The following ATP8A2 variants were observed in gnomAD, a reference collection of about 807,000 sequenced individuals.
ATP8A2 encodes the protein phospholipid-transporting ATPase IB.
Under a neutral mutation model 165.6 loss-of-function variants are expected in ATP8A2, and 100 were observed. The observed-to-expected ratio is 0.60, with a 90% confidence interval of 0.51 to 0.71. The LOEUF is 0.71. Ranked by LOEUF, ATP8A2 falls within the 30% of genes least tolerant of loss-of-function variation. The pLI, the probability that ATP8A2 is intolerant of heterozygous loss-of-function variation, is 0.00. For synonymous variants in ATP8A2, 543 were observed against 548.8 expected, an observed-to-expected ratio of 0.99 and a Z score of 0.15; for missense variants, 1,227 against 1,479.5, an observed-to-expected ratio of 0.83 and a Z score of 2.80.
rs539067684 is a variant in ATP8A2, at chr13:25,915,187, A to G, written c.3184-46388A>G. 4.6e-5 allele frequency among the ~76,000 whole-genome samples: 7 copies of G among 152,354 alleles called. No individual in the cohort carries two copies. In the Middle Eastern group the frequency reaches 0.014, roughly 296 times the overall value. ...TTCTGTGAAATTCTTCTTTATAGAA[A>G]TCATAGAATTTGTGTAATTATGTAC... On this transcript the variant is annotated intron_variant, in intron 33 of 36. Coordinates refer to ENST00000381655, the MANE Select transcript of ATP8A2 (RefSeq NM_016529.6).
Position 25,465,755 on chromosome 13 carries a change from C to CTCTCTCTCTCTCTG in ATP8A2, c.77-3215_77-3214insCTCTCTGTCTCTCT, listed in dbSNP as rs746455176. Among the ~76,000 whole-genome samples, 2 of 11,834 alleles carry CTCTCTCTCTCTCTG rather than the reference C, an allele frequency of 1.7e-4. 1 individual carries two copies. The highest frequency in any genetic ancestry group is 4.9e-4 in the Non-Finnish European group (2 of 4,090). 7.8% of individuals were successfully genotyped at this position (11,834 alleles called of 152,430 possible). On this transcript the variant is annotated intron_variant, in intron 1 of 36. Coordinates refer to ENST00000381655, the MANE Select transcript of ATP8A2 (RefSeq NM_016529.6). ...TCTTTCTTTCCCTCCCTCCCTCTCTCTCTCTCTTTCTCTCTTTCTCTCTTT... is the reference window on the plus strand; with the variant it reads ...TCTTTCTTTCCCTCCCTCCCTCTCTCTCTCTCTCTCTCTGTCTCTCTTTCTCTCTTTCTCTCTTT...
At chr13:25,705,150 T>C in intron 25 of ATP8A2, 4 of 430,736 alleles carry the variant, frequency 9.3e-6, no homozygotes, top group Non-Finnish European at 1.4e-5. Context: ...TCATTTTCCC[T>C]TTTTCTTTGA....
intron 35 of ATP8A2, among the ~76,000 whole-genome samples, chr13:25,988,577 G>A (rs1236282782): frequency 6.6e-6 from 1 of 152,136 alleles, no homozygotes; most frequent in Non-Finnish European, 1.5e-5. Flanking sequence ...AGTGGGAGAA[G>A]GATCACAGGA....
At chr13:25,835,552 T>C (rs996606327) in intron 28 of ATP8A2, among the ~76,000 whole-genome samples, 4 of 151,952 alleles carry the variant, frequency 2.6e-5, no homozygotes, top group African/African-American at 7.3e-5. Flanking sequence ...TTGCTGGGTT[T>C]GTGGGTGGGG....
At chr13:25,696,829 G>T (rs777370692) in intron 24 of ATP8A2, among the ~76,000 whole-genome samples, 31 of 152,170 alleles carry the variant, frequency 2.0e-4, no homozygotes, top group Admixed American at 6.5e-5. Flanking sequence ...CTTTTCCTAT[G>T]CATTCACGAC....
At chr13:25,910,805 A>G (rs1017911642) in intron 33 of ATP8A2, among the ~76,000 whole-genome samples, 14 of 152,130 alleles carry the variant, frequency 9.2e-5, no homozygotes, top group African/African-American at 3.1e-4. Flanking sequence ...GCCCTTTCAA[A>G]TTATCTGAAC....
intron 1 of ATP8A2, among the ~76,000 whole-genome samples, chr13:25,394,771 G>A (rs1448572956): frequency 6.6e-6 from 1 of 152,174 alleles, no homozygotes; most frequent in African/African-American, 2.4e-5. Context: ...ATTTCCATTT[G>A]TAAAAGTGTC....
intron 1 of ATP8A2, among the ~76,000 whole-genome samples, chr13:25,417,633 T>C (rs2034173376): frequency 6.6e-6 from 1 of 152,178 alleles, no homozygotes; most frequent in Admixed American, 6.5e-5. Flanking sequence ...GAAACTTCGG[T>C]GCGTAGGACT....
intron 24 of ATP8A2, among the ~76,000 whole-genome samples, chr13:25,696,955 T>C (rs538473897): frequency 6.6e-6 from 1 of 152,300 alleles, no homozygotes; most frequent in Admixed American, 6.5e-5. Flanking sequence ...AGGTCACTGA[T>C]GACAGATTAC....
At chr13:25,530,527 T>C (rs893813005) in intron 3 of ATP8A2, 35 bp from the exon 4 acceptor site, 2 of 1,285,800 alleles carry the variant, frequency 1.6e-6, no homozygotes, top group African/African-American at 2.9e-5. Flanking sequence ...ATTTTTAATG[T>C]GCCAACTTCC....
At chr13:25,769,703 C>G (rs1593318280) in intron 26 of ATP8A2, among the ~76,000 whole-genome samples, 2 of 151,954 alleles carry the variant, frequency 1.3e-5, no homozygotes, top group Non-Finnish European at 2.9e-5. Flanking sequence ...GTGATTACAG[C>G]TGTCGCCTTC....
At chr13:25,726,513 C>A (rs1378203925) in intron 25 of ATP8A2, among the ~76,000 whole-genome samples, 1 of 152,160 alleles carries the variant, frequency 6.6e-6, no homozygotes. Context: ...ATGATAAATT[C>A]CTCGGCTTGT....
chr13:25,772,355 T>C (rs977549647), intron 26 of ATP8A2, among the ~76,000 whole-genome samples: 1 of 152,184 alleles, frequency 6.6e-6, no homozygotes, highest in African/African-American at 2.4e-5. Context: ...AAGCAGATGT[T>C]TTCTGTGCCC....
At chr13:25,676,312 A>C (rs1469315535) in intron 24 of ATP8A2, among the ~76,000 whole-genome samples, 2 of 152,198 alleles carry the variant, frequency 1.3e-5, no homozygotes, top group Admixed American at 1.3e-4. Flanking sequence ...TCTAGCTTAG[A>C]TATTTCTACA....
intron 27 of ATP8A2, among the ~76,000 whole-genome samples, chr13:25,814,474 T>C (rs1486988397): frequency 6.6e-6 from 1 of 152,004 alleles, no homozygotes; most frequent in African/African-American, 2.4e-5. Flanking sequence ...ATTTCAGAAC[T>C]TACTACAGAG....
intron 27 of ATP8A2, among the ~76,000 whole-genome samples, chr13:25,808,285 A>G (rs1236881336): frequency 6.6e-6 from 1 of 151,980 alleles, no homozygotes; most frequent in African/African-American, 2.4e-5. Flanking sequence ...ATGCACTACC[A>G]TGTCCAGCTA....
At chr13:25,493,028 AC>A in intron 2 of ATP8A2, among the ~76,000 whole-genome samples, 1 of 152,346 alleles carries the variant, frequency 6.6e-6, no homozygotes, top group African/African-American at 2.4e-5. Context: ...CATTTTAATT[AC>A]ATTTTTTGAA....
chr13:25,530,210 C>T lies in ATP8A2; in HGVS notation c.321+112C>T, dbSNP rs889624890. ...TATAATCTTGGAATATAGTTTGTTT[C>T]CCTCCTCTAGTCATTGTTTGATAGA... On this transcript the variant is annotated intron_variant, in intron 3 of 36. Transcript: ENST00000381655. 16 of 687,584 alleles carry T rather than the reference C, an allele frequency of 2.3e-5. No homozygotes were observed. In the African/African-American group the frequency reaches 2.5e-4, roughly 11 times the overall value. 42.6% of individuals were successfully genotyped at this position (687,584 alleles called of 1,614,324 possible).
chr13:25,647,086 T>A (rs2041693728), intron 24 of ATP8A2, among the ~76,000 whole-genome samples: 1 of 152,234 alleles, frequency 6.6e-6, no homozygotes, highest in African/African-American at 2.4e-5. Flanking sequence ...TAATTTATTT[T>A]AGCTATAGTT....
Sources: gnomAD v4.1 joint callset for allele counts (sites outside exome capture counted in the v4.1 genomes callset) on GRCh38, gnomAD v4.1.1 for gene constraint, MANE v1.5 for transcripts, NCBI Gene and HGNC (gene_info 2026-07-23, HGNC 2026-07-21) for gene names.